RIMS2: variants seen among roughly 807,000 people sequenced by gnomAD.
RIMS2 encodes the protein regulating synaptic membrane exocytosis 2, also known as regulating synaptic membrane exocytosis protein 2.
A neutral mutation model predicts 174.4 loss-of-function variants in RIMS2; 59 were observed. The observed-to-expected ratio is 0.34, with a 90% confidence interval of 0.27 to 0.42. The LOEUF (loss-of-function observed/expected upper bound fraction) is 0.42, where lower values mean the gene tolerates loss of function less well. RIMS2 is among the 10% of genes least tolerant of loss of function. The probability of loss-of-function intolerance (pLI) is 1.00; values close to 1 mark genes in which losing one functional copy is unlikely to be tolerated. For missense variants in RIMS2, 1,620 were observed against 1,666.3 expected, an observed-to-expected ratio of 0.97 and a Z score of 0.48; for synonymous variants, 606 against 572.5, an observed-to-expected ratio of 1.06 and a Z score of -0.84.
In RIMS2 at chr8:103,640,299, G is replaced by A. The variant is rs2096200099; in HGVS notation, c.177-56787G>A. Among the ~76,000 whole-genome samples the A allele has an allele frequency of 3.3e-5, 5 of 151,776 alleles. No individual in the cohort carries two copies. In the East Asian group the frequency reaches 5.8e-4, roughly 18 times the overall value. ...TTTTTTCCTTGATTAGCCTAGCTAG[G>A]AATTTATCAATTTATTGGTCTTTTC... On this transcript the variant is annotated intron_variant, in intron 1 of 23. Coordinates refer to ENST00000504942, the Ensembl canonical transcript of RIMS2.
At chr8:104,244,332 G>A (rs2099318980) in intron 19 of RIMS2, among the ~76,000 whole-genome samples, 1 of 152,164 alleles carries the variant, frequency 6.6e-6, no homozygotes. Context: ...ACCAATAGAT[G>A]TGAAACTATT....
chr8:103,888,309 G>T (rs1486711965), intron 4 of RIMS2, among the ~76,000 whole-genome samples: 1 of 151,330 alleles, frequency 6.6e-6, no homozygotes, highest in Non-Finnish European at 1.5e-5. Context: ...TAAATACTAA[G>T]AAAAACTTGC....
intron 19 of RIMS2, among the ~76,000 whole-genome samples, chr8:104,195,802 C>T (rs190483132): frequency 5.8e-4 from 89 of 152,242 alleles, no homozygotes; most frequent in Admixed American, 1.9e-3. Flanking sequence ...CATGAGCCAC[C>T]GTGCCCCACC....
intron 3 of RIMS2, among the ~76,000 whole-genome samples, chr8:103,862,141 T>C (rs2099062203): frequency 6.6e-6 from 1 of 152,060 alleles, no homozygotes; most frequent in South Asian, 2.1e-4. Flanking sequence ...CTATCTTGAG[T>C]TAATTTTTAT....
intron 1 of RIMS2, among the ~76,000 whole-genome samples, chr8:103,646,045 A>C (rs574777607): frequency 6.6e-6 from 1 of 152,106 alleles, no homozygotes; most frequent in Admixed American, 6.6e-5. Flanking sequence ...TCTGGTGGGC[A>C]GTTGTGGGGT....
Position 103,822,090 on chromosome 8 carries a change from A to AC in RIMS2, c.698+55553_698+55554insC. Among the ~76,000 whole-genome samples the AC allele has an allele frequency of 2.6e-5, 4 of 151,382 alleles. No homozygotes were observed. In the Middle Eastern group the frequency reaches 0.014, roughly 518 times the overall value. On this transcript the variant is annotated intron_variant, in intron 3 of 23. Transcript: ENST00000504942. ...AATGATCTTTAAATTGATAGAAAAA[A>AC]GCCATCAATTTGGACAATTAGATAT...
At chr8:103,792,806 C>G (rs1393904798) in intron 3 of RIMS2, among the ~76,000 whole-genome samples, 1 of 152,144 alleles carries the variant, frequency 6.6e-6, no homozygotes, top group Non-Finnish European at 1.5e-5. Context: ...ATAAAGACCT[C>G]TATGCAAATA....
chr8:104,048,007 T>C (rs1488761264), intron 19 of RIMS2, among the ~76,000 whole-genome samples: 2 of 152,062 alleles, frequency 1.3e-5, no homozygotes, highest in Admixed American at 1.3e-4. Flanking sequence ...TAATTATGTT[T>C]TAATGAAAGC....
intron 1 of RIMS2, among the ~76,000 whole-genome samples, chr8:103,509,330 C>T (rs934848370): frequency 1.3e-5 from 2 of 152,070 alleles, no homozygotes; most frequent in African/African-American, 4.8e-5. Context: ...ATTCCCTACT[C>T]CCATTGATAA....
intron 3 of RIMS2, among the ~76,000 whole-genome samples, chr8:103,870,028 T>A (rs1244301352): frequency 6.6e-6 from 1 of 152,174 alleles, no homozygotes; most frequent in Admixed American, 6.5e-5. Context: ...CAGTGAGCCT[T>A]TGGCTGATGT....
chr8:103,537,514 G>A (rs192092817), intron 1 of RIMS2, among the ~76,000 whole-genome samples: 7 of 152,134 alleles, frequency 4.6e-5, no homozygotes, highest in African/African-American at 1.7e-4. Flanking sequence ...AGCAATTTGA[G>A]ACCTTGAGAT....
chr8:104,051,968 A>G (rs1371997057), intron 19 of RIMS2, among the ~76,000 whole-genome samples: 3 of 152,240 alleles, frequency 2.0e-5, no homozygotes, highest in Non-Finnish European at 2.9e-5. Context: ...TTAACTGTGT[A>G]GTCTCTACAG....
At chr8:103,913,970 G>T (rs1164250121) in intron 6 of RIMS2, among the ~76,000 whole-genome samples, 1 of 152,130 alleles carries the variant, frequency 6.6e-6, no homozygotes, top group Non-Finnish European at 1.5e-5. Flanking sequence ...TTATTGTGTG[G>T]CATCCATGTG....
intron 1 of RIMS2, among the ~76,000 whole-genome samples, chr8:103,580,388 A>G (rs776288356): frequency 6.6e-6 from 1 of 151,936 alleles, no homozygotes; most frequent in Non-Finnish European, 1.5e-5. Flanking sequence ...AAGTAGCTAT[A>G]CTTAGATAAA....
chr8:103,635,951 C>A (rs1401258544), intron 1 of RIMS2, among the ~76,000 whole-genome samples: 1 of 152,178 alleles, frequency 6.6e-6, no homozygotes, highest in African/African-American at 2.4e-5. Context: ...AGGTCTTGCC[C>A]AGTGAGGAGA....
At chr8:103,876,734 G>A (rs2099139105) in intron 3 of RIMS2, among the ~76,000 whole-genome samples, 1 of 149,870 alleles carries the variant, frequency 6.7e-6, no homozygotes, top group Non-Finnish European at 1.5e-5. Context: ...AGAATAATAG[G>A]CTCCAATCCC....
intron 4 of RIMS2, among the ~76,000 whole-genome samples, chr8:103,907,303 T>G (rs2074636525): frequency 1.3e-5 from 2 of 152,248 alleles, no homozygotes; most frequent in Admixed American, 1.3e-4. Flanking sequence ...TTTACTTCCC[T>G]TGGTTCTTCA....
chr8:103,512,266 A>G (rs922204700), intron 1 of RIMS2, among the ~76,000 whole-genome samples: 6 of 152,248 alleles, frequency 3.9e-5, no homozygotes, highest in African/African-American at 1.4e-4. Flanking sequence ...TGCCAACTGC[A>G]AAGGAGAAAT....
intron 3 of RIMS2, among the ~76,000 whole-genome samples, chr8:103,834,676 T>TTCTCTTTCTTTCTTTC (rs1554867207): frequency 8.3e-6 from 1 of 120,012 alleles, no homozygotes; most frequent in Non-Finnish European, 1.8e-5. Flanking sequence ...TCTGAGGTCT[T>TTCTCTTTCTTTCTTTC]TTTCTTTCTT....
Sources: allele counts gnomAD v4.1 joint callset (sites outside exome capture counted in the v4.1 genomes callset), GRCh38; gene constraint gnomAD v4.1.1; transcripts MANE v1.5; gene names NCBI Gene and HGNC (gene_info 2026-07-23, HGNC 2026-07-21).